Variants in NPAS3 observed in about 807,000 individuals in gnomAD.
The protein encoded by NPAS3 is neuronal PAS domain-containing protein 3.
A neutral mutation model predicts 73.1 loss-of-function variants in NPAS3; 14 were observed. The ratio of observed to expected loss-of-function variants is 0.19; its 90% CI spans 0.13 to 0.30. The LOEUF (loss-of-function observed/expected upper bound fraction) is 0.30, where lower values mean the gene tolerates loss of function less well. NPAS3 is among the 10% of genes least tolerant of loss of function. NPAS3 has a pLI of 1.00. For missense variants in NPAS3, 1,096 were observed against 1,250.0 expected, an observed-to-expected ratio of 0.88 and a Z score of 1.86; for synonymous variants, 620 against 541.5, an observed-to-expected ratio of 1.14 and a Z score of -2.01.
rs140332671 is a variant in NPAS3 at position 33,723,279 on chromosome 14, A to T, written c.734-11935A>T. Among the ~76,000 whole-genome samples, 27 of 152,282 alleles carry T rather than the reference A, an allele frequency of 1.8e-4. No homozygotes were observed. In the East Asian group the frequency reaches 5.0e-3, roughly 28 times the overall value. On this transcript the variant is annotated intron_variant, in intron 6 of 11. Coordinates refer to ENST00000356141, the Ensembl canonical transcript of NPAS3. ...CCCTGTTAAGCATAAGACTGCACTC[A>T]TGCAAAACCCTTCCTCTGTGTCACA...
At chr14:33,564,720 C>A (rs1294838121) in intron 5 of NPAS3, among the ~76,000 whole-genome samples, 1 of 152,202 alleles carries the variant, frequency 6.6e-6, no homozygotes, top group Non-Finnish European at 1.5e-5. Context: ...ATTGGACTCA[C>A]ATCCTCTGAA....
At position 33,643,887 on chromosome 14, in the gene NPAS3, A is replaced by AT. The variant is rs969540865; in HGVS notation, c.559-32314dup. Reference sequence around the variant, plus strand: ...TGAAAACATGCAAATTGGGGAGAAGATTTTTTTTTTAACCTAAAGACTGCT... The same window carrying AT: ...TGAAAACATGCAAATTGGGGAGAAGATTTTTTTTTTTAACCTAAAGACTGCT... On this transcript the variant is annotated intron_variant, in intron 5 of 11. Transcript: ENST00000356141. Among the ~76,000 whole-genome samples the AT allele has an allele frequency of 9.1e-3, 1,370 of 150,210 alleles. 25 individuals carry two copies. Among genetic ancestry groups the AT allele is most frequent in the African/African-American group, 0.029 (1,181 of 41,078 alleles).
intron 3 of NPAS3, among the ~76,000 whole-genome samples, chr14:33,273,732 A>G (rs1302739361): frequency 6.6e-6 from 1 of 152,154 alleles, no homozygotes; most frequent in African/African-American, 2.4e-5. Flanking sequence ...TGGATAAACA[A>G]TTCTGTATTC....
intron 4 of NPAS3, among the ~76,000 whole-genome samples, chr14:33,447,497 T>C (rs1307932514): frequency 1.5e-4 from 23 of 152,166 alleles, no homozygotes; most frequent in Non-Finnish European, 3.4e-4. Context: ...TTCTAAGCAG[T>C]GAGTTTTTAA....
At chr14:33,403,740 C>G (rs573648033) in intron 4 of NPAS3, among the ~76,000 whole-genome samples, 1 of 152,088 alleles carries the variant, frequency 6.6e-6, no homozygotes, top group Non-Finnish European at 1.5e-5. Context: ...GCAGGACATA[C>G]CTTCATGAAT....
At chr14:33,664,779 C>T (rs1043282496) in intron 5 of NPAS3, among the ~76,000 whole-genome samples, 4 of 152,208 alleles carry the variant, frequency 2.6e-5, no homozygotes, top group African/African-American at 7.2e-5. Flanking sequence ...CACTGGCCAT[C>T]AGAGAAATGC....
intron 1 of NPAS3, among the ~76,000 whole-genome samples, chr14:32,986,386 G>T (rs1279207): frequency 6.6e-6 from 1 of 152,090 alleles, no homozygotes; most frequent in Admixed American, 6.5e-5. Context: ...TCCTTCCAAG[G>T]AACCATGGAC....
At chr14:33,640,420 A>T (rs923563114) in intron 5 of NPAS3, among the ~76,000 whole-genome samples, 5 of 152,000 alleles carry the variant, frequency 3.3e-5, no homozygotes, top group Admixed American at 2.0e-4. Context: ...CATTTCTGAG[A>T]CTCTTTTATT....
At chr14:33,434,705 G>C (rs2048914149) in intron 4 of NPAS3, among the ~76,000 whole-genome samples, 2 of 152,148 alleles carry the variant, frequency 1.3e-5, no homozygotes, top group East Asian at 3.8e-4. Flanking sequence ...ATAAAGCTTT[G>C]TGTTAGCTTA....
chr14:33,499,952 T>C (rs75852910), intron 4 of NPAS3, among the ~76,000 whole-genome samples: 1,626 of 152,090 alleles, frequency 0.011, 22 homozygotes, highest in African/African-American at 0.037. Flanking sequence ...TGTTTCTGTC[T>C]TGTGGAGTCT....
intron 7 of NPAS3, among the ~76,000 whole-genome samples, chr14:33,769,532 G>T (rs2062573889): frequency 6.6e-6 from 1 of 152,100 alleles, no homozygotes; most frequent in Admixed American, 6.5e-5. Context: ...CTTTTCTCCT[G>T]CTGACACCAA....
intron 7 of NPAS3, among the ~76,000 whole-genome samples, chr14:33,763,646 C>G (rs554590585): frequency 3.3e-5 from 5 of 152,206 alleles, no homozygotes; most frequent in Non-Finnish European, 7.3e-5. Flanking sequence ...TCCAACTATG[C>G]CAGGGAAACT....
intron 4 of NPAS3, among the ~76,000 whole-genome samples, chr14:33,492,578 G>A (rs1489450496): frequency 6.6e-6 from 1 of 152,168 alleles, no homozygotes; most frequent in Non-Finnish European, 1.5e-5. Context: ...AGTATTCAAA[G>A]CAGTGGCCTT....
chr14:33,447,299 C>T (rs1287485552), intron 4 of NPAS3, among the ~76,000 whole-genome samples: 1 of 152,150 alleles, frequency 6.6e-6, no homozygotes, highest in African/African-American at 2.4e-5. Context: ...GGCACAGAAA[C>T]ACAGAAGAGC....
chr14:33,430,312 G>A (rs1307104473), intron 4 of NPAS3, among the ~76,000 whole-genome samples: 2 of 151,980 alleles, frequency 1.3e-5, no homozygotes, highest in Admixed American at 1.3e-4. Context: ...CTCTAGGAAA[G>A]CAAAGAGTAA....
chr14:33,132,950 T>C (rs2043696888), intron 2 of NPAS3, among the ~76,000 whole-genome samples: 1 of 152,204 alleles, frequency 6.6e-6, no homozygotes, highest in Non-Finnish European at 1.5e-5. Context: ...CTTAAGTGTT[T>C]GTCCAAACTG....
At chr14:33,575,985 C>G (rs1004199070) in intron 5 of NPAS3, among the ~76,000 whole-genome samples, 5 of 152,138 alleles carry the variant, frequency 3.3e-5, no homozygotes, top group African/African-American at 1.2e-4. Context: ...CTCCCACCCC[C>G]CTTGTAGGCA....
rs1440471003 is a variant in NPAS3, at chr14:33,492,726, C to T, written c.469-67395C>T. On this transcript the variant is annotated intron_variant, in intron 4 of 11. Transcript: ENST00000356141. ...TGTGTTATTGATGAGCTGGCATTTG[C>T]CCTGTGGCCCTCCCAGAGGATTGCT... 2.6e-5 allele frequency among the ~76,000 whole-genome samples: 4 copies of T among 152,184 alleles called. No homozygotes were observed. In the East Asian group the frequency reaches 7.7e-4, roughly 29 times the overall value.
chr14:33,321,065 A>G (rs1424516960), intron 3 of NPAS3, among the ~76,000 whole-genome samples: 1 of 152,104 alleles, frequency 6.6e-6, no homozygotes, highest in Non-Finnish European at 1.5e-5. Flanking sequence ...TCATGTATTT[A>G]TTTTGTTATC....
Sources: allele counts gnomAD v4.1 joint callset (sites outside exome capture counted in the v4.1 genomes callset), GRCh38; gene constraint gnomAD v4.1.1; transcripts MANE v1.5; gene names NCBI Gene and HGNC (gene_info 2026-07-23, HGNC 2026-07-21).